NRG1: variants seen among roughly 807,000 people sequenced by gnomAD.
NRG1 encodes neuregulin 1.
A neutral mutation model predicts 63.8 loss-of-function variants in NRG1; 18 were observed. That is an observed-to-expected ratio of 0.28 (90% confidence interval 0.19 to 0.42). NRG1 has a LOEUF of 0.42. Ranked by LOEUF, NRG1 falls within the 10% of genes least tolerant of loss-of-function variation. The pLI is 1.00. For synonymous variants in NRG1, 302 were observed against 301.3 expected, an observed-to-expected ratio of 1.00 and a Z score of -0.02; for missense variants, 762 against 814.7, an observed-to-expected ratio of 0.94 and a Z score of 0.79.
chr8:32,365,880 G>A (rs1383955456), intron 1 of NRG1, among the ~76,000 whole-genome samples: 1 of 152,092 alleles, frequency 6.6e-6, no homozygotes, highest in Non-Finnish European at 1.5e-5. Flanking sequence ...ATATGTCTTG[G>A]TTCCTTTATA....
intron 1 of NRG1, among the ~76,000 whole-genome samples, chr8:32,461,202 C>A: frequency 6.6e-6 from 1 of 152,028 alleles, no homozygotes; most frequent in East Asian, 1.9e-4. Flanking sequence ...AAAAAAAATC[C>A]TTTTTAAAAA....
chr8:32,196,118 A>AGAGTGTGTGT (rs141020832), intron 1 of NRG1, among the ~76,000 whole-genome samples: 2 of 146,854 alleles, frequency 1.4e-5, no homozygotes, highest in Admixed American at 1.4e-4. Flanking sequence ...AAAAACAATG[A>AGAGTGTGTGT]GTGTGTGTGT....
chr8:32,112,033 G>T (rs1437464184), intron 1 of NRG1, among the ~76,000 whole-genome samples: 2 of 152,178 alleles, frequency 1.3e-5, no homozygotes, highest in Non-Finnish European at 1.5e-5. Context: ...GTTTTATTGT[G>T]TGACATGAAG....
chr8:32,199,032 G>C (rs1041344314), intron 1 of NRG1, among the ~76,000 whole-genome samples: 2 of 152,042 alleles, frequency 1.3e-5, no homozygotes, highest in African/African-American at 4.8e-5. Context: ...CCAAGTAGTA[G>C]ACTATGACCG....
At chr8:31,924,115 T>C (rs531698039) in intron 1 of NRG1, among the ~76,000 whole-genome samples, 1 of 151,944 alleles carries the variant, frequency 6.6e-6, no homozygotes, top group African/African-American at 2.4e-5. Flanking sequence ...AACACTTTGG[T>C]AGGCCAAGGT....
At chr8:32,743,018 G>T in intron 7 of NRG1, 1 of 1,218,642 alleles carries the variant, frequency 8.2e-7, no homozygotes, top group Non-Finnish European at 1.0e-6. Context: ...TCAATATCAA[G>T]CAGTGAAATA....
intron 1 of NRG1, among the ~76,000 whole-genome samples, chr8:32,516,147 A>G (rs965315864): frequency 6.6e-6 from 1 of 152,172 alleles, no homozygotes; most frequent in African/African-American, 2.4e-5. Flanking sequence ...TCCCAATACC[A>G]TTTATTGAAT....
intron 1 of NRG1, among the ~76,000 whole-genome samples, chr8:31,761,472 A>G (rs1817553933): frequency 6.6e-6 from 1 of 152,064 alleles, no homozygotes; most frequent in South Asian, 2.1e-4. Flanking sequence ...TAAATAAATA[A>G]AAATAAAAAT....
Position 32,046,643 on chromosome 8 carries a change from A to G in NRG1, c.37+407212A>G, listed in dbSNP as rs555234322. ...ATTATTGATTTGTGCAACAACTTGGATGAATTTCAAAGGCATTATACAGAA... is the reference window on the plus strand; with the variant it reads ...ATTATTGATTTGTGCAACAACTTGGGTGAATTTCAAAGGCATTATACAGAA... On this transcript the variant is annotated intron_variant, in intron 1 of 10. Coordinates refer to the NRG1 transcript ENST00000519301. Among the ~76,000 whole-genome samples the G allele has an allele frequency of 7.2e-5, 11 of 152,250 alleles. No homozygotes were observed. The South Asian group carries it at 2.1e-3, about 29-fold the overall frequency.
chr8:31,899,575 T>C (rs756833942), intron 1 of NRG1, among the ~76,000 whole-genome samples: 3 of 152,202 alleles, frequency 2.0e-5, no homozygotes, highest in Non-Finnish European at 2.9e-5. Context: ...TACTGGTCCA[T>C]TGGCTGAGTT....
chr8:32,504,518 T>C (rs922098971), intron 1 of NRG1, among the ~76,000 whole-genome samples: 1 of 152,148 alleles, frequency 6.6e-6, no homozygotes, highest in Non-Finnish European at 1.5e-5. Flanking sequence ...GGTAATACCA[T>C]CATGAAGTGA....
At chr8:32,717,334 T>G (rs1819502313) in intron 5 of NRG1, among the ~76,000 whole-genome samples, 2 of 152,210 alleles carry the variant, frequency 1.3e-5, no homozygotes, top group Non-Finnish European at 2.9e-5. Context: ...AGATTGGTCA[T>G]GAGTGAAATG....
chr8:31,651,162 T>G (rs1402728515), intron 1 of NRG1, among the ~76,000 whole-genome samples: 1 of 152,190 alleles, frequency 6.6e-6, no homozygotes. Flanking sequence ...GAGGGAACCT[T>G]CAAGGGAAGG....
At chr8:32,721,395 C>T (rs1366815513) in intron 5 of NRG1, among the ~76,000 whole-genome samples, 1 of 152,148 alleles carries the variant, frequency 6.6e-6, no homozygotes, top group East Asian at 1.9e-4. Context: ...TGTAGGAAGT[C>T]TACAAACCTC....
chr8:32,297,197 T>A (rs1409534464), intron 1 of NRG1, among the ~76,000 whole-genome samples: 1 of 152,104 alleles, frequency 6.6e-6, no homozygotes. Context: ...AAATTTAATT[T>A]AAAAATTTCT....
intron 1 of NRG1, among the ~76,000 whole-genome samples, chr8:31,648,720 G>T (rs186753554): frequency 6.6e-6 from 1 of 152,232 alleles, no homozygotes; most frequent in East Asian, 1.9e-4. Flanking sequence ...TCATGTTGTA[G>T]CATATGTCAG....
At chr8:32,119,596 G>A (rs572462426) in intron 1 of NRG1, among the ~76,000 whole-genome samples, 1 of 152,174 alleles carries the variant, frequency 6.6e-6, no homozygotes, top group African/African-American at 2.4e-5. Context: ...TCTAGTAAAT[G>A]CAATGTGAGA....
At chr8:32,547,837 C>A (rs900631224), upstream of NRG1, among the ~76,000 whole-genome samples, 1 of 152,234 alleles carries the variant, frequency 6.6e-6, no homozygotes, top group Non-Finnish European at 1.5e-5. Context: ...CCCCCGCACC[C>A]CTCCCAGGGT....
intron 1 of NRG1, among the ~76,000 whole-genome samples, chr8:31,651,522 AG>A (rs2130882331): frequency 6.6e-6 from 1 of 152,148 alleles, no homozygotes; most frequent in South Asian, 2.1e-4. Flanking sequence ...CTTGGTTTTC[AG>A]GGGGGTGGCA....
Sources: allele counts gnomAD v4.1 joint callset (sites outside exome capture counted in the v4.1 genomes callset), GRCh38; gene constraint gnomAD v4.1.1; transcripts MANE v1.5; gene names NCBI Gene and HGNC (gene_info 2026-07-23, HGNC 2026-07-21).